TASP1: variants seen among roughly 807,000 people sequenced by gnomAD.
TASP1 encodes the protein taspase 1.
A neutral mutation model predicts 56.6 loss-of-function variants in TASP1; 16 were observed. The observed-to-expected ratio is 0.28, with a 90% confidence interval of 0.19 to 0.43. The LOEUF is 0.43. Among genes scored for constraint, TASP1 ranks in the 20% least tolerant of loss-of-function variants. The pLI is 1.00. For missense variants in TASP1, 393 were observed against 511.6 expected, an observed-to-expected ratio of 0.77 and a Z score of 2.24; for synonymous variants, 179 against 184.2, an observed-to-expected ratio of 0.97 and a Z score of 0.23.
chr20:13,312,814 C>T, the TASP1 span, among the ~76,000 whole-genome samples: 2 of 152,284 alleles, frequency 1.3e-5, no homozygotes, highest in Admixed American at 1.3e-4. Context: ...AGTGGGCTTG[C>T]CATGATCACA....
At chr20:13,561,880 A>C (rs997540398) in intron 7 of TASP1, among the ~76,000 whole-genome samples, 1 of 148,202 alleles carries the variant, frequency 6.7e-6, no homozygotes, top group Non-Finnish European at 1.5e-5. Flanking sequence ...TGTAACCACA[A>C]AAAAAAATAG....
chr20:13,491,831 T>A (rs1438878989), intron 10 of TASP1, among the ~76,000 whole-genome samples: 3 of 152,194 alleles, frequency 2.0e-5, no homozygotes, highest in African/African-American at 7.2e-5. Flanking sequence ...ATGAGCCCCA[T>A]TATTACAAAA....
At chr20:13,353,856 C>T in the TASP1 span, among the ~76,000 whole-genome samples, 1 of 152,034 alleles carries the variant, frequency 6.6e-6, no homozygotes, top group Non-Finnish European at 1.5e-5. Flanking sequence ...GACCACCAGA[C>T]ATTTGAGGAA....
chr20:13,342,598 A>T, the TASP1 span, among the ~76,000 whole-genome samples: 1 of 152,184 alleles, frequency 6.6e-6, no homozygotes, highest in African/African-American at 2.4e-5. Flanking sequence ...CAGGGATGAC[A>T]GGGCACGTTC....
intron 11 of TASP1, among the ~76,000 whole-genome samples, chr20:13,461,627 G>A (rs1334356362): frequency 5.9e-5 from 9 of 152,102 alleles, no homozygotes; most frequent in Non-Finnish European, 8.8e-5. Flanking sequence ...ATTGTAGCAC[G>A]AAAGCAGTTA....
chr20:13,584,317 T>C (rs969992784), intron 5 of TASP1, among the ~76,000 whole-genome samples: 3 of 151,874 alleles, frequency 2.0e-5, no homozygotes, highest in African/African-American at 7.3e-5. Context: ...AAATACAAAA[T>C]ACAAAAGCCA....
chr20:13,601,868 CTTTTTTTTTT>C (rs61111564), intron 4 of TASP1, among the ~76,000 whole-genome samples: 2 of 53,556 alleles, frequency 3.7e-5, no homozygotes, highest in African/African-American at 8.4e-5. Context: ...TAACCCCATT[CTTTTTTTTTT>C]TTTTTTTTTT....
the TASP1 span, chr20:13,288,536 C>T: frequency 6.2e-7 from 1 of 1,613,230 alleles, no homozygotes; most frequent in Non-Finnish European, 8.5e-7. Flanking sequence ...TGGCTGTCTT[C>T]CAGATTCCAC....
chr20:13,129,948 AAAAC>A, the TASP1 span, among the ~76,000 whole-genome samples: 15 of 152,242 alleles, frequency 9.9e-5, no homozygotes, highest in Non-Finnish European at 1.9e-4. Flanking sequence ...AGAGAAAAAA[AAAAC>A]AGAGAATGCT....
At chr20:13,577,621 C>A (rs1287636098) in intron 6 of TASP1, among the ~76,000 whole-genome samples, 2 of 151,976 alleles carry the variant, frequency 1.3e-5, no homozygotes, top group African/African-American at 2.4e-5. Flanking sequence ...TCTCAACAAC[C>A]CCTTCCCTAC....
In TASP1 at chr20:13,503,294, C is replaced by T. The variant is rs78492218; in HGVS notation, c.875-19957G>A. On this transcript the variant is annotated intron_variant, in intron 10 of 13. Coordinates refer to ENST00000337743, the MANE Select transcript of TASP1 (RefSeq NM_017714.3). ...CCAGGCCAACTCCCCAAGCATGACC[C>T]CATGGATGGCAAATAGAAGTGTCTT... 7.9e-3 allele frequency among the ~76,000 whole-genome samples: 1,195 copies of T among 152,172 alleles called. 19 individuals are homozygous for T. Among genetic ancestry groups the T allele is most frequent in the African/African-American group, 0.027 (1,133 of 41,492 alleles).
At chr20:13,433,855 A>C (rs564063583) in intron 12 of TASP1, among the ~76,000 whole-genome samples, 4 of 151,764 alleles carry the variant, frequency 2.6e-5, no homozygotes, top group Admixed American at 2.0e-4. Flanking sequence ...AAAAAAAAAA[A>C]AAAAACAGAA....
At chr20:13,317,253 AC>A in the TASP1 span, among the ~76,000 whole-genome samples, 2 of 151,870 alleles carry the variant, frequency 1.3e-5, no homozygotes, top group African/African-American at 2.4e-5. Context: ...CACCAAAAAA[AC>A]AAAACAAAAC....
intron 11 of TASP1, among the ~76,000 whole-genome samples, chr20:13,470,180 C>T (rs2044435087): frequency 6.6e-6 from 1 of 152,042 alleles, no homozygotes; most frequent in African/African-American, 2.4e-5. Context: ...TATTCTTCAA[C>T]CTCCTGACAT....
the TASP1 span, chr20:13,117,815 A>G: frequency 3.4e-4 from 422 of 1,246,124 alleles, 1 homozygote; most frequent in African/African-American, 4.9e-3. Context: ...GAAAGCTTCA[A>G]TTCAGTTCAC....
chr20:13,365,316 C>T, the TASP1 span, among the ~76,000 whole-genome samples: 1,628 of 152,234 alleles, frequency 0.011, 29 homozygotes, highest in African/African-American at 0.034. Context: ...ATGAATGAGA[C>T]AGGTTTGGTC....
the TASP1 span, among the ~76,000 whole-genome samples, chr20:13,109,386 T>C: frequency 6.6e-6 from 1 of 152,222 alleles, no homozygotes; most frequent in Non-Finnish European, 1.5e-5. Context: ...ATTCTGTTGC[T>C]TATGATAGAC....
chr20:13,379,822 G>A, the TASP1 span, among the ~76,000 whole-genome samples: 1 of 151,886 alleles, frequency 6.6e-6, no homozygotes, highest in Admixed American at 6.6e-5. Context: ...TATTTAAGTT[G>A]ATCTTCAAAC....
At chr20:13,115,781 T>A in the TASP1 span, among the ~76,000 whole-genome samples, 2 of 152,150 alleles carry the variant, frequency 1.3e-5, no homozygotes, top group South Asian at 2.1e-4. Flanking sequence ...ATGCCCATCA[T>A]GGATCAGGTA....
Sources: gnomAD v4.1 joint callset for allele counts (sites outside exome capture counted in the v4.1 genomes callset) on GRCh38, gnomAD v4.1.1 for gene constraint, MANE v1.5 for transcripts, NCBI Gene and HGNC (gene_info 2026-07-23, HGNC 2026-07-21) for gene names.